The following CNTN4 variants were observed in gnomAD, a reference collection of about 807,000 sequenced individuals.
CNTN4 encodes the protein contactin 4.
CNTN4 carries 77 observed loss-of-function variants against 122.5 expected under a neutral mutation model. The observed-to-expected ratio is 0.63, with a 90% CI of 0.52 to 0.76. The LOEUF is 0.76. CNTN4 is among the 30% of genes least tolerant of loss of function. The pLI is 0.00. For synonymous variants in CNTN4, 512 were observed against 447.0 expected (o/e 1.15, Z -1.83); for missense variants, 1,256 against 1,259.1 (o/e 1.00, Z 0.04).
chr3:2,354,492 C>G (rs1575444928), intron 3 of CNTN4, among the ~76,000 whole-genome samples: 1 of 152,180 alleles, frequency 6.6e-6, no homozygotes, highest in East Asian at 1.9e-4. Context: ...GATCGCACCA[C>G]TGCACTGCAG....
intron 4 of CNTN4, among the ~76,000 whole-genome samples, chr3:2,723,740 T>G (rs1353593608): frequency 2.0e-5 from 3 of 152,180 alleles, no homozygotes; most frequent in Non-Finnish European, 4.4e-5. Flanking sequence ...GCACACACAT[T>G]CAAACCATAG....
chr3:2,747,526 C>A (rs1365220829), intron 6 of CNTN4, among the ~76,000 whole-genome samples: 1 of 151,430 alleles, frequency 6.6e-6, no homozygotes, highest in African/African-American at 2.4e-5. Context: ...TTGTAAAAGA[C>A]CGGGCATTTT....
At chr3:2,946,670 A>T (rs966870682) in intron 13 of CNTN4, among the ~76,000 whole-genome samples, 3 of 151,538 alleles carry the variant, frequency 2.0e-5, no homozygotes, top group Non-Finnish European at 4.4e-5. Flanking sequence ...TCAAAAACTG[A>T]AGGATCTGCA....
chr3:2,377,916 A>T lies in CNTN4; in HGVS notation c.-89+38683A>T, dbSNP rs142138257. 4.0e-3 allele frequency among the ~76,000 whole-genome samples: 603 copies of T among 152,298 alleles called. 7 individuals carry two copies. The highest frequency in any genetic ancestry group is 0.013 in the African/African-American group (555 of 41,558). ...TGAGGCATTTTTAAAAAGCAGATAA[A>T]ATACCAATGTAAAGATTTATTTTTC... On this transcript the variant is annotated intron_variant, in intron 3 of 24. Coordinates refer to ENST00000418658, the MANE Select transcript of CNTN4 (RefSeq NM_175607.3).
At chr3:2,886,598 G>A (rs1175897697) in intron 9 of CNTN4, among the ~76,000 whole-genome samples, 3 of 145,492 alleles carry the variant, frequency 2.1e-5, no homozygotes, top group Non-Finnish European at 3.0e-5. Context: ...TGCAACCTCC[G>A]CTTCCCAGGT....
At chr3:2,753,535 G>T (rs1207596724) in intron 6 of CNTN4, among the ~76,000 whole-genome samples, 22 of 152,162 alleles carry the variant, frequency 1.4e-4, no homozygotes, top group Admixed American at 1.4e-3. Flanking sequence ...TTTCACCAAG[G>T]ATACAGCAGT....
intron 3 of CNTN4, among the ~76,000 whole-genome samples, chr3:2,404,199 T>A (rs1252025788): frequency 6.6e-6 from 1 of 152,180 alleles, no homozygotes; most frequent in Non-Finnish European, 1.5e-5. Flanking sequence ...CACCCATTTA[T>A]TAGCTTACAA....
intron 9 of CNTN4, among the ~76,000 whole-genome samples, chr3:2,884,159 G>C (rs1362122168): frequency 6.6e-6 from 1 of 151,450 alleles, no homozygotes. Flanking sequence ...GGCTAGTCTT[G>C]GACTCCTGGC....
chr3:2,968,647 C>A (rs548488585), intron 13 of CNTN4, among the ~76,000 whole-genome samples: 4 of 152,342 alleles, frequency 2.6e-5, no homozygotes, highest in African/African-American at 9.6e-5. Context: ...ACCACCACCA[C>A]CACCAGAGCA....
chr3:2,944,113 A>C (rs1267546445), intron 13 of CNTN4, among the ~76,000 whole-genome samples: 1 of 151,978 alleles, frequency 6.6e-6, no homozygotes, highest in East Asian at 1.9e-4. Flanking sequence ...ACATAATCAC[A>C]AGCCAAGGTC....
At chr3:2,252,459 C>G (rs2040415537) in intron 2 of CNTN4, among the ~76,000 whole-genome samples, 1 of 152,004 alleles carries the variant, frequency 6.6e-6, no homozygotes, top group Admixed American at 6.6e-5. Context: ...TTAGTCTTCT[C>G]TGTCACTGTG....
chr3:2,698,964 A>G lies in CNTN4; in HGVS notation c.56-37251A>G, dbSNP rs2086202285. Among the ~76,000 whole-genome samples the G allele has an allele frequency of 2.0e-5, 3 of 152,204 alleles. No individual in the cohort carries two copies. The South Asian group carries it at 6.2e-4, about 32-fold the overall frequency. On this transcript the variant is annotated intron_variant, in intron 4 of 24. Transcript: ENST00000418658. ...CTGGAACCCGGGAGGTGGAGGTTGC[A>G]GTGAGCCGAGATAGTGCCATTGCAC... is the stretch of plus-strand genomic sequence containing the variant.
intron 6 of CNTN4, among the ~76,000 whole-genome samples, chr3:2,755,274 A>C (rs2090281895): frequency 6.6e-6 from 1 of 152,234 alleles, no homozygotes; most frequent in South Asian, 2.1e-4. Flanking sequence ...AAAGCTGCTT[A>C]AACAGGCAAA....
chr3:2,575,928 TCTC>T (rs2079650459), intron 4 of CNTN4, among the ~76,000 whole-genome samples: 1 of 150,384 alleles, frequency 6.6e-6, no homozygotes, highest in African/African-American at 2.4e-5. Flanking sequence ...TCCACACCAT[TCTC>T]CTGCATCAGC....
chr3:2,452,177 C>G lies in CNTN4; in HGVS notation c.-89+112944C>G, dbSNP rs188896219. On this transcript the variant is annotated intron_variant, in intron 3 of 24. Transcript: ENST00000418658. ...GGAATCAGAAGCTCATTTATAGACTCTGCTATCTACTGCTATTTGATCCAG... is the reference window on the plus strand; with the variant it reads ...GGAATCAGAAGCTCATTTATAGACTGTGCTATCTACTGCTATTTGATCCAG... Among the ~76,000 whole-genome samples, 3 of 152,260 alleles carry G rather than the reference C, an allele frequency of 2.0e-5. No homozygotes were observed. The East Asian group carries it at 5.8e-4, about 29-fold the overall frequency.
intron 2 of CNTN4, among the ~76,000 whole-genome samples, chr3:2,230,697 T>C (rs554872609): frequency 6.6e-5 from 10 of 152,294 alleles, no homozygotes; most frequent in African/African-American, 2.4e-4. Flanking sequence ...AGAAACATGA[T>C]GTGAGGGATG....
intron 3 of CNTN4, among the ~76,000 whole-genome samples, chr3:2,535,796 G>GTT (rs1559204239): frequency 6.6e-6 from 1 of 152,052 alleles, no homozygotes; most frequent in East Asian, 1.9e-4. Context: ...GTCCATGCAT[G>GTT]TTTAAGAGAC....
intron 2 of CNTN4, among the ~76,000 whole-genome samples, chr3:2,120,382 TATATATATATATATATATATA>T (rs2033663340): frequency 3.7e-5 from 1 of 27,350 alleles, no homozygotes; most frequent in East Asian, 9.0e-4. Flanking sequence ...TAAATATATA[TATATATATATATATATATATA>T]TATTTTTTTT....
intron 12 of CNTN4, among the ~76,000 whole-genome samples, chr3:2,914,687 G>A (rs889724441): frequency 1.3e-5 from 2 of 152,188 alleles, no homozygotes; most frequent in Non-Finnish European, 2.9e-5. Flanking sequence ...TGCCTCAGTG[G>A]AGAATTCTAC....
Sources: allele counts gnomAD v4.1 joint callset (sites outside exome capture counted in the v4.1 genomes callset), GRCh38; gene constraint gnomAD v4.1.1; transcripts MANE v1.5; gene names NCBI Gene and HGNC (gene_info 2026-07-23, HGNC 2026-07-21).